The following PTPRD variants were observed in gnomAD, a reference collection of about 807,000 sequenced individuals.
The protein encoded by PTPRD is protein tyrosine phosphatase receptor type D.
In PTPRD, 34 loss-of-function variants were observed where a neutral mutation model predicts 214.5. The ratio of observed to expected loss-of-function variants is 0.16; its 90% CI spans 0.12 to 0.21. The LOEUF is 0.21. Ranked by LOEUF, PTPRD falls within the 10% of genes least tolerant of loss-of-function variation. The pLI, the probability that PTPRD is intolerant of heterozygous loss-of-function variation, is 1.00. For synonymous variants in PTPRD, 1,128 were observed against 845.7 expected, an observed-to-expected ratio of 1.33 and a Z score of -5.79; for missense variants, 2,545 against 2,398.7, an observed-to-expected ratio of 1.06 and a Z score of -1.27.
At chr9:10,277,602 C>T (rs16925679) in intron 3 of PTPRD, among the ~76,000 whole-genome samples, 32,981 of 152,078 alleles carry the variant, frequency 0.22, 3,725 homozygotes, top group East Asian at 0.3. Flanking sequence ...TGGCTAATGT[C>T]ATGATTGTAT....
At chr9:10,315,831 A>AT (rs2096407333) in intron 3 of PTPRD, among the ~76,000 whole-genome samples, 1 of 151,802 alleles carries the variant, frequency 6.6e-6, no homozygotes, top group Non-Finnish European at 1.5e-5. Flanking sequence ...AGAGTGGCTC[A>AT]TTTGTTAGTT....
chr9:9,674,710 T>C (rs566878233), intron 7 of PTPRD, among the ~76,000 whole-genome samples: 2 of 151,886 alleles, frequency 1.3e-5, no homozygotes, highest in Non-Finnish European at 3.0e-5. Flanking sequence ...ATCGTTAGGG[T>C]AATAAAATGT....
At chr9:9,751,497 C>T (rs2098519001) in intron 6 of PTPRD, among the ~76,000 whole-genome samples, 1 of 152,046 alleles carries the variant, frequency 6.6e-6, no homozygotes, top group Non-Finnish European at 1.5e-5. Flanking sequence ...TGTCTGAAGT[C>T]CTAACCACCA....
intron 11 of PTPRD, among the ~76,000 whole-genome samples, chr9:9,011,757 G>T (rs1330860356): frequency 6.6e-6 from 1 of 152,126 alleles, no homozygotes; most frequent in Non-Finnish European, 1.5e-5. Flanking sequence ...TCTCTGATGT[G>T]ATTTTCAATT....
chr9:8,752,652 G>A (rs1037301871), intron 11 of PTPRD, among the ~76,000 whole-genome samples: 1 of 152,112 alleles, frequency 6.6e-6, no homozygotes, highest in Admixed American at 6.5e-5. Context: ...ACACAAACGA[G>A]CCCAGACTAG....
intron 14 of PTPRD, among the ~76,000 whole-genome samples, chr9:8,550,354 T>A (rs963390219): frequency 6.6e-6 from 1 of 152,204 alleles, no homozygotes; most frequent in African/African-American, 2.4e-5. Flanking sequence ...ATTTGTCATA[T>A]AGTAAATACT....
intron 9 of PTPRD, among the ~76,000 whole-genome samples, chr9:9,254,024 C>G (rs1482254980): frequency 1.3e-5 from 2 of 152,096 alleles, no homozygotes; most frequent in African/African-American, 4.8e-5. Context: ...CTCTTCACCT[C>G]TGTGTGTCTC....
At chr9:8,478,351 A>T (rs568429963) in intron 30 of PTPRD, among the ~76,000 whole-genome samples, 1 of 152,204 alleles carries the variant, frequency 6.6e-6, no homozygotes, top group Non-Finnish European at 1.5e-5. Flanking sequence ...CTTCCACAAA[A>T]ATCTTCTTGT....
intron 3 of PTPRD, among the ~76,000 whole-genome samples, chr9:10,274,889 C>T (rs531597657): frequency 6.3e-4 from 96 of 152,000 alleles, no homozygotes; most frequent in Non-Finnish European, 1.2e-3. Flanking sequence ...GGAATAATGA[C>T]GGTGGAATAG....
intron 14 of PTPRD, among the ~76,000 whole-genome samples, chr9:8,614,933 A>T (rs2095561700): frequency 6.6e-6 from 1 of 152,100 alleles, no homozygotes. Flanking sequence ...AAATCAGCTC[A>T]AGCTACTTTT....
chr9:8,478,060 G>C (rs377007598), intron 30 of PTPRD, among the ~76,000 whole-genome samples: 2 of 152,142 alleles, frequency 1.3e-5, no homozygotes, highest in African/African-American at 2.4e-5. Context: ...CCCTCTGTTC[G>C]TATTAACCAT....
intron 3 of PTPRD, among the ~76,000 whole-genome samples, chr9:10,156,455 C>T (rs975313655): frequency 1.3e-5 from 2 of 152,040 alleles, no homozygotes; most frequent in Admixed American, 6.6e-5. Flanking sequence ...TCAGTGATTT[C>T]TTTAGTCTTG....
At chr9:8,372,258 CCAAATT>C (rs2081782765) in intron 39 of PTPRD, among the ~76,000 whole-genome samples, 1 of 151,932 alleles carries the variant, frequency 6.6e-6, no homozygotes, top group African/African-American at 2.4e-5. Context: ...TAGATGATAT[CCAAATT>C]CATGTTGAAT....
chr9:9,024,348 G>GTTTTTTTTTTTTTTTT (rs752607769), intron 10 of PTPRD, among the ~76,000 whole-genome samples: 1 of 64,180 alleles, frequency 1.6e-5, no homozygotes, highest in African/African-American at 4.1e-5. Flanking sequence ...GTTTTTTTTT[G>GTTTTTTTTTTTTTTTT]TTTGTTTTTT....
At chr9:8,769,770 A>G (rs1188919386) in intron 11 of PTPRD, among the ~76,000 whole-genome samples, 1 of 151,682 alleles carries the variant, frequency 6.6e-6, no homozygotes, top group Non-Finnish European at 1.5e-5. Flanking sequence ...GGGGAGGGAG[A>G]GTTTTTGCTT....
At chr9:9,454,939 A>G (rs2092775790) in intron 8 of PTPRD, among the ~76,000 whole-genome samples, 2 of 151,578 alleles carry the variant, frequency 1.3e-5, no homozygotes, top group Admixed American at 6.6e-5. Flanking sequence ...AATCTGTATA[A>G]TCATGGCCCA....
At chr9:8,997,905 G>A (rs946050144) in intron 11 of PTPRD, among the ~76,000 whole-genome samples, 3 of 152,070 alleles carry the variant, frequency 2.0e-5, no homozygotes, top group South Asian at 2.1e-4. Context: ...CAATAGTCTG[G>A]ATAGAAGATC....
Position 8,314,493 on chromosome 9 carries a change from A to T in PTPRD, c.*3381T>A, listed in dbSNP as rs188801828. ...CTATGCATCCAAAACGAGAGCAAAG[A>T]ACACAACTGTTATTATCTTTGTAAA... On this transcript the variant is annotated 3_prime_UTR_variant, in exon 46 of 46. Coordinates refer to ENST00000381196, the MANE Select transcript of PTPRD (RefSeq NM_002839.4). 3.4e-5 allele frequency: 8 copies of T among 231,988 alleles called. No homozygotes were observed. The Admixed American group carries it at 4.0e-4, about 11-fold the overall frequency. 14.4% of individuals were successfully genotyped at this position (231,988 alleles called of 1,614,324 possible).
chr9:10,357,449 C>G (rs1008996082), intron 2 of PTPRD, among the ~76,000 whole-genome samples: 1 of 152,176 alleles, frequency 6.6e-6, no homozygotes, highest in African/African-American at 2.4e-5. Flanking sequence ...AAACAGCAAA[C>G]TATTTAACCT....
Sources: allele counts gnomAD v4.1 joint callset (sites outside exome capture counted in the v4.1 genomes callset), GRCh38; gene constraint gnomAD v4.1.1; transcripts MANE v1.5; gene names NCBI Gene and HGNC (gene_info 2026-07-23, HGNC 2026-07-21).